Variants in TRPC3 observed in about 807,000 individuals in gnomAD.
TRPC3 encodes short transient receptor potential channel 3.
TRPC3 carries 54 observed loss-of-function variants against 90.9 expected under a neutral mutation model. That is an observed-to-expected ratio of 0.59 (90% CI 0.48 to 0.75). The LOEUF (loss-of-function observed/expected upper bound fraction) is 0.75, where lower values mean the gene tolerates loss of function less well. Ranked by LOEUF, TRPC3 falls within the 30% of genes least tolerant of loss-of-function variation. The probability of loss-of-function intolerance (pLI) is 0.00; values close to 1 mark genes in which losing one functional copy is unlikely to be tolerated. For synonymous variants in TRPC3, 424 were observed against 450.9 expected, an observed-to-expected ratio of 0.94 and a Z score of 0.75; for missense variants, 918 against 1,194.5, an observed-to-expected ratio of 0.77 and a Z score of 3.41.
intron 3 of TRPC3, among the ~76,000 whole-genome samples, chr4:121,924,753 T>C: frequency 6.6e-6 from 1 of 152,062 alleles, no homozygotes; most frequent in Admixed American, 6.6e-5. Context: ...GTTGCCCAGC[T>C]GGTCTTGAAC....
chr4:121,896,513 C>T lies in TRPC3; in HGVS notation c.2547+3099G>A, dbSNP rs147073493. Among the ~76,000 whole-genome samples, 277 of 152,010 alleles carry T rather than the reference C, an allele frequency of 1.8e-3. 1 individual carries two copies. The highest frequency in any genetic ancestry group is 3.1e-3 in the Non-Finnish European group (211 of 67,934). On this transcript the variant is annotated intron_variant, in intron 10 of 11. Coordinates refer to ENST00000379645, the MANE Select transcript of TRPC3 (RefSeq NM_001130698.2). ...CAAAAATCAGTTGCATTTCTATACA[C>T]GAACAACAAACTACTTGAAAAAGAA...
chr4:121,878,238 T>C lies in TRPC3; in HGVS notation c.*1498A>G, dbSNP rs1727823495. Among the ~76,000 whole-genome samples, 2 of 152,222 alleles carry C rather than the reference T, an allele frequency of 1.3e-5. No homozygotes were observed. The highest frequency in any genetic ancestry group is 4.1e-4 in the South Asian group (2 of 4,834). On this transcript the variant is annotated 3_prime_UTR_variant, in exon 12 of 12. Transcript: ENST00000379645. ...ACATTTATAAAGTTCCTTTCTTAAT[T>C]TAACTCCCAAAAAGTAGAAATTAAG...
intron 1 of TRPC3, among the ~76,000 whole-genome samples, chr4:121,943,634 T>G (rs1438318207): frequency 6.6e-6 from 1 of 152,088 alleles, no homozygotes; most frequent in African/African-American, 2.4e-5. Context: ...GAACAAGAAT[T>G]CAGACAAAAT....
chr4:121,929,819 T>C (rs1224999062), intron 2 of TRPC3, among the ~76,000 whole-genome samples: 2 of 152,004 alleles, frequency 1.3e-5, no homozygotes, highest in African/African-American at 2.4e-5. Flanking sequence ...AAAATAAATA[T>C]AGGTGTCTTA....
chr4:121,874,951 C>G lies in TRPC3; in HGVS notation c.*4785G>C, dbSNP rs1344373867. ...TCCAGCCTGGGCAAAATAGCAAGGCCCCATCTCTAAAAAACAAACAAAAAA... is the reference window on the plus strand; with the variant it reads ...TCCAGCCTGGGCAAAATAGCAAGGCGCCATCTCTAAAAAACAAACAAAAAA... On this transcript the variant is annotated 3_prime_UTR_variant, in exon 12 of 12. Transcript: ENST00000379645. Among the ~76,000 whole-genome samples, 3 of 151,332 alleles carry G rather than the reference C, an allele frequency of 2.0e-5. No homozygotes were observed. The highest frequency in any genetic ancestry group is 4.4e-5 in the Non-Finnish European group (3 of 67,872).
At chr4:121,922,497 G>A (rs1404682518) in intron 3 of TRPC3, among the ~76,000 whole-genome samples, 1 of 152,140 alleles carries the variant, frequency 6.6e-6, no homozygotes. Context: ...TTGCCTGATG[G>A]TTGACTGATA....
At chr4:121,909,152 G>A (rs896583840) in intron 6 of TRPC3, among the ~76,000 whole-genome samples, 2 of 152,052 alleles carry the variant, frequency 1.3e-5, no homozygotes, top group Non-Finnish European at 1.5e-5. Context: ...AATTACAAAT[G>A]GTGATCATTT....
rs1316124388 is a variant in TRPC3, at chr4:121,932,095, CATT to C, written c.987+173_987+175del. ...CAAAGCGAATTTGTCACAGCACCAT[CATT>C]GAGAGGGAGAAAGAAAACATTAGAT... On this transcript the variant is annotated intron_variant, in intron 2 of 11. Coordinates refer to ENST00000379645, the MANE Select transcript of TRPC3 (RefSeq NM_001130698.2). This position sits in a 1 kb window ranked among gnomAD's most constrained non-coding sequence, Gnocchi z 7.7. 2.0e-5 allele frequency among the ~76,000 whole-genome samples: 3 copies of C among 152,186 alleles called. No homozygotes were observed. Among genetic ancestry groups the C allele is most frequent in the African/African-American group, 7.2e-5 (3 of 41,438 alleles).
intron 1 of TRPC3, among the ~76,000 whole-genome samples, chr4:121,934,860 G>A (rs1730077107): frequency 1.3e-5 from 2 of 152,200 alleles, no homozygotes; most frequent in Admixed American, 6.5e-5. Context: ...ATAGAGGTAT[G>A]GCAACTAAAG....
chr4:121,884,502 A>G (rs1728044530), intron 10 of TRPC3, among the ~76,000 whole-genome samples: 2 of 152,214 alleles, frequency 1.3e-5, no homozygotes, highest in South Asian at 4.1e-4. Context: ...GTTGTATATA[A>G]AAGATAACAA....
chr4:121,897,419 C>G (rs1363042138), intron 10 of TRPC3, among the ~76,000 whole-genome samples: 1 of 100,000 alleles, frequency 1.0e-5, no homozygotes, highest in Admixed American at 1.5e-4. Context: ...GGATTAATAT[C>G]CAGAATATAC....
chr4:121,933,314 A>C, intron 1 of TRPC3: 1 of 455,306 alleles, frequency 2.2e-6, no homozygotes, highest in Non-Finnish European at 3.4e-6. Flanking sequence ...AATAATAATA[A>C]AAATTTCCAT....
intron 1 of TRPC3, among the ~76,000 whole-genome samples, chr4:121,950,054 G>T (rs1730631428): frequency 6.6e-6 from 1 of 152,222 alleles, no homozygotes; most frequent in Non-Finnish European, 1.5e-5. Flanking sequence ...GGGAGACGGG[G>T]AAGTGAGCTG....
chr4:121,943,563 T>C (rs1240880928), intron 1 of TRPC3, among the ~76,000 whole-genome samples: 4 of 152,152 alleles, frequency 2.6e-5, no homozygotes, highest in African/African-American at 9.7e-5. Context: ...AACTAATTTT[T>C]ATTATTTCAG....
chr4:121,905,489 A>C (rs1728849873), intron 7 of TRPC3, among the ~76,000 whole-genome samples: 2 of 152,152 alleles, frequency 1.3e-5, no homozygotes, highest in African/African-American at 4.8e-5. Context: ...TCACCAGACT[A>C]ATTACCTAAG....
chr4:121,931,760 T>C (rs1207946743), intron 2 of TRPC3, among the ~76,000 whole-genome samples: 1 of 152,206 alleles, frequency 6.6e-6, no homozygotes, highest in African/African-American at 2.4e-5. Context: ...CTTGGGCCAA[T>C]GAACAGTGCA....
In TRPC3 at chr4:121,951,469, T is replaced by C; in HGVS notation, c.212A>G (p.Asp71Gly). 1.5e-6 allele frequency: 2 copies of C among 1,302,942 alleles called. No individual in the cohort carries two copies. The highest frequency in any genetic ancestry group is 4.4e-5 in the South Asian group (2 of 45,522). The allele number at this position is 1,302,942 out of a possible 1,614,324, so 80.7% of individuals were successfully genotyped here. A position where few individuals can be genotyped will look rare whatever the true frequency, so the allele number is the denominator to read the frequency against. The change falls in exon 1 of 12, where the codon GAC (aspartate) becomes GGC (glycine). Residue 71 changes from aspartate (D) to glycine (G), a missense_variant. Asp to Gly is a moderately conservative substitution (Grantham distance 94). Transcript: ENST00000379645. This position sits in a 1 kb window ranked among gnomAD's most constrained non-coding sequence, Gnocchi z 4.4. ...YCPPPFSHGP[D>G]LSMEGSPSLR... Reference sequence around the variant, plus strand: ...CGCGGCCGGGCCCGGTACTCACAGGTCCGGCCCGTGGGAGAAGGGCGGCGG... The same window carrying C: ...CGCGGCCGGGCCCGGTACTCACAGGCCCGGCCCGTGGGAGAAGGGCGGCGG...
chr4:121,944,680 C>T (rs182364530), intron 1 of TRPC3, among the ~76,000 whole-genome samples: 1 of 152,034 alleles, frequency 6.6e-6, no homozygotes, highest in Non-Finnish European at 1.5e-5. Flanking sequence ...CTGTGCTTTG[C>T]GATAACCTTT....
chr4:121,901,374 T>C (rs1161448405), intron 9 of TRPC3, among the ~76,000 whole-genome samples: 1 of 151,838 alleles, frequency 6.6e-6, no homozygotes, highest in African/African-American at 2.4e-5. Flanking sequence ...TAACCAAGGG[T>C]GGACTCAGGT....
Sources: gnomAD v4.1 joint callset for allele counts (sites outside exome capture counted in the v4.1 genomes callset) on GRCh38, gnomAD v4.1.1 for gene constraint, Gnocchi (gnomAD v3.1) non-coding constraint, MANE v1.5 for transcripts, NCBI Gene and HGNC (gene_info 2026-07-23, HGNC 2026-07-21) for gene names.